Variants in CERT1 observed in about 807,000 individuals in gnomAD.
CERT1 encodes the protein ceramide transfer protein.
Under a neutral mutation model 87.9 loss-of-function variants are expected in CERT1, and 31 were observed. That is an observed-to-expected ratio of 0.35 (90% confidence interval 0.27 to 0.48). CERT1 has a LOEUF of 0.48. Among genes scored for constraint, CERT1 ranks in the 20% least tolerant of loss-of-function variants. The pLI is 0.99. For missense variants in CERT1, 487 were observed against 758.0 expected, an observed-to-expected ratio of 0.64 and a Z score of 4.20; for synonymous variants, 289 against 250.9, an observed-to-expected ratio of 1.15 and a Z score of -1.44.
At chr5:75,422,720 T>C (rs1411760169) in intron 5 of CERT1, among the ~76,000 whole-genome samples, 1 of 152,222 alleles carries the variant, frequency 6.6e-6, no homozygotes. Context: ...ATTCATATGT[T>C]GAAGTCCTTA....
chr5:75,450,434 G>GT (rs1372658077), intron 3 of CERT1, among the ~76,000 whole-genome samples: 2 of 152,138 alleles, frequency 1.3e-5, no homozygotes, highest in African/African-American at 4.8e-5. Flanking sequence ...AGAAACCAAA[G>GT]TATTTTCCAC....
intron 2 of CERT1, among the ~76,000 whole-genome samples, chr5:75,500,778 T>C (rs890479170): frequency 6.6e-6 from 1 of 152,218 alleles, no homozygotes; most frequent in Non-Finnish European, 1.5e-5. Flanking sequence ...GGAGTTCTTA[T>C]AATGACTATT....
intron 2 of CERT1, among the ~76,000 whole-genome samples, chr5:75,483,598 A>G (rs747992494): frequency 8.5e-5 from 13 of 152,174 alleles, no homozygotes; most frequent in Non-Finnish European, 1.8e-4. Context: ...TAAAGATCCT[A>G]AAAGTAGCAA....
rs1554047538 is a variant in CERT1 at position 75,503,842 on chromosome 5, T to TTGTTTAATTTAAACATTTAAATTAAA, written c.231+2139_231+2140insTTTAATTTAAATGTTTAAATTAAACA. ...ATATAAATGTTAAAATTTAAATTTT[T>TTGTTTAATTTAAACATTTAAATTAAA]TGTTTAATTTAAATTAAACATTTAA... On this transcript the variant is annotated intron_variant, in intron 2 of 16. Coordinates refer to ENST00000643780, the MANE Select transcript of CERT1 (RefSeq NM_001379029.1). 1.5e-4 allele frequency among the ~76,000 whole-genome samples: 13 copies of TTGTTTAATTTAAACATTTAAATTAAA among 85,128 alleles called. 1 individual carries two copies. Among genetic ancestry groups the TTGTTTAATTTAAACATTTAAATTAAA allele is most frequent in the African/African-American group, 5.6e-4 (13 of 23,106 alleles). 55.8% of individuals were successfully genotyped at this position (85,128 alleles called of 152,430 possible). A position where few individuals can be genotyped will look rare whatever the true frequency, so the allele number is the denominator to read the frequency against.
chr5:75,433,134 C>T (rs1427024298), intron 3 of CERT1, among the ~76,000 whole-genome samples: 1 of 152,128 alleles, frequency 6.6e-6, no homozygotes, highest in African/African-American at 2.4e-5. Context: ...TAGTGTGATA[C>T]CTCCAGCTTT....
chr5:75,406,593 T>C (rs987100338), intron 8 of CERT1, among the ~76,000 whole-genome samples: 1 of 150,146 alleles, frequency 6.7e-6, no homozygotes, highest in Non-Finnish European at 1.5e-5. Flanking sequence ...CAGGCTGGAG[T>C]GCAGTAGCGA....
intron 2 of CERT1, among the ~76,000 whole-genome samples, chr5:75,500,356 G>T (rs1016196240): frequency 1.3e-5 from 2 of 152,070 alleles, no homozygotes; most frequent in African/African-American, 4.8e-5. Flanking sequence ...ATAATTTTCT[G>T]TAAGTTATTT....
At chr5:75,507,896 T>C (rs114829838) in intron 1 of CERT1, among the ~76,000 whole-genome samples, 294 of 152,310 alleles carry the variant, frequency 1.9e-3, no homozygotes, top group African/African-American at 6.7e-3. Context: ...CATCTTTCCT[T>C]CATAGTAAAC....
intron 2 of CERT1, among the ~76,000 whole-genome samples, chr5:75,464,722 C>T (rs1162541398): frequency 2.0e-5 from 3 of 152,084 alleles, no homozygotes; most frequent in Admixed American, 6.5e-5. Context: ...ACCACAGATG[C>T]ATGCCACTAC....
chr5:75,461,136 G>A (rs1765209191), intron 2 of CERT1, among the ~76,000 whole-genome samples: 1 of 152,128 alleles, frequency 6.6e-6, no homozygotes, highest in African/African-American at 2.4e-5. Flanking sequence ...TGTAAAGCAG[G>A]AGTCCCCAGA....
At chr5:75,461,955 G>C (rs1765252128) in intron 2 of CERT1, among the ~76,000 whole-genome samples, 1 of 151,996 alleles carries the variant, frequency 6.6e-6, no homozygotes, top group Non-Finnish European at 1.5e-5. Context: ...ACTTCTAACA[G>C]ATTGTTTCAT....
At chr5:75,377,162 A>G (rs192948783), downstream of CERT1, 5 of 152,386 alleles carry the variant, frequency 3.3e-5, no homozygotes, top group Middle Eastern at 3.4e-3. Flanking sequence ...AAACTCAGTC[A>G]TAAGAAGAGG....
intron 10 of CERT1, 58 bp from the exon 11 acceptor site, chr5:75,399,445 T>C: frequency 8.1e-7 from 1 of 1,241,608 alleles, no homozygotes; most frequent in Non-Finnish European, 1.2e-6. Context: ...CAACAGAGCA[T>C]TCAGTACCAA....
intron 6 of CERT1, 27 bp downstream of exon 6, chr5:75,419,314 A>G: frequency 2.8e-6 from 4 of 1,437,768 alleles, no homozygotes; most frequent in Non-Finnish European, 3.9e-6. Flanking sequence ...TATTTTATCC[A>G]GCTGAGGGGA....
At chr5:75,439,749 T>C (rs1764244259) in intron 3 of CERT1, among the ~76,000 whole-genome samples, 1 of 152,088 alleles carries the variant, frequency 6.6e-6, no homozygotes, top group South Asian at 2.1e-4. Context: ...CCAGATACAA[T>C]ACCTAAGACA....
chr5:75,401,944 T>C (rs966421035), intron 9 of CERT1: 2 of 152,198 alleles, frequency 1.3e-5, no homozygotes, highest in African/African-American at 4.8e-5. Context: ...AAGGTTAAGC[T>C]TCCACCATAA....
intron 5 of CERT1, among the ~76,000 whole-genome samples, chr5:75,420,221 G>A (rs950163117): frequency 7.9e-5 from 12 of 151,804 alleles, no homozygotes; most frequent in East Asian, 5.8e-4. Context: ...CTCATGATCC[G>A]CCCACCTCGG....
At chr5:75,384,863 T>C in intron 13 of CERT1, 151 bp from the exon 14 acceptor site, 1 of 580,952 alleles carries the variant, frequency 1.7e-6, no homozygotes, top group South Asian at 2.2e-5. Flanking sequence ...AGGTAGCTAA[T>C]ACTTAGTATT....
intron 2 of CERT1, among the ~76,000 whole-genome samples, chr5:75,460,841 C>T (rs532764495): frequency 5.9e-5 from 9 of 152,218 alleles, no homozygotes; most frequent in African/African-American, 2.2e-4. Context: ...GATAAGAAAT[C>T]ATGGTTCTGA....
Sources: gnomAD v4.1 joint callset for allele counts (sites outside exome capture counted in the v4.1 genomes callset) on GRCh38, gnomAD v4.1.1 for gene constraint, MANE v1.5 for transcripts, NCBI Gene and HGNC (gene_info 2026-07-23, HGNC 2026-07-21) for gene names.